Variants in CFAP263 observed in about 807,000 individuals in gnomAD.
The protein encoded by CFAP263 is cilia- and flagella-associated protein 263.
At chr16:58,268,700 G>A in the CFAP263 span, among the ~76,000 whole-genome samples, 1 of 152,126 alleles carries the variant, frequency 6.6e-6, no homozygotes, top group Non-Finnish European at 1.5e-5. Context: ...GTACAGAGTG[G>A]CAAGTAGCAA....
the CFAP263 span, among the ~76,000 whole-genome samples, chr16:58,277,153 C>T: frequency 6.6e-6 from 1 of 151,216 alleles, no homozygotes; most frequent in African/African-American, 2.4e-5. Flanking sequence ...TTTTTTTAGA[C>T]AGTTTCGCTC....
the CFAP263 span, among the ~76,000 whole-genome samples, chr16:58,253,622 C>A: frequency 6.6e-6 from 1 of 152,302 alleles, no homozygotes; most frequent in East Asian, 1.9e-4. Flanking sequence ...TTTTGCTGAA[C>A]ACAGTCCCCC....
At chr16:58,262,383 A>G in the CFAP263 span, 5 of 1,601,944 alleles carry the variant, frequency 3.1e-6, no homozygotes, top group Non-Finnish European at 4.3e-6. Flanking sequence ...TCTGAGCTGT[A>G]GAAGGAAGAG....
At chr16:58,266,003 C>A in the CFAP263 span, among the ~76,000 whole-genome samples, 1 of 152,186 alleles carries the variant, frequency 6.6e-6, no homozygotes, top group African/African-American at 2.4e-5. Context: ...TCTCCCCGGC[C>A]CCACGTCTGA....
At chr16:58,268,670 GA>G in the CFAP263 span, among the ~76,000 whole-genome samples, 1 of 152,110 alleles carries the variant, frequency 6.6e-6, no homozygotes, top group Non-Finnish European at 1.5e-5. Context: ...AATACCTTCT[GA>G]AAAAAACCCC....
the CFAP263 span, chr16:58,259,906 G>A: frequency 6.2e-7 from 1 of 1,604,042 alleles, no homozygotes; most frequent in Non-Finnish European, 8.5e-7. Context: ...AAAGTTCAGA[G>A]GAAAAAAATG....
chr16:58,257,227 C>T, the CFAP263 span, among the ~76,000 whole-genome samples: 5 of 111,270 alleles, frequency 4.5e-5, no homozygotes, highest in Non-Finnish European at 8.1e-5. Context: ...CCGTTTTAGC[C>T]GGGATGGTCT....
chr16:58,252,455 T>A, the CFAP263 span, among the ~76,000 whole-genome samples: 1 of 152,064 alleles, frequency 6.6e-6, no homozygotes, highest in Admixed American at 6.5e-5. Flanking sequence ...TTCAATGTAA[T>A]ACTAGTGTTC....
At chr16:58,254,188 C>T in the CFAP263 span, 6 of 1,612,680 alleles carry the variant, frequency 3.7e-6, no homozygotes, top group Non-Finnish European at 4.2e-6. Context: ...GCAGCCTGTC[C>T]TGCCCAGGCT....
At chr16:58,256,843 T>C in the CFAP263 span, among the ~76,000 whole-genome samples, 5 of 151,552 alleles carry the variant, frequency 3.3e-5, no homozygotes, top group East Asian at 9.7e-4. Context: ...TAGTAATATG[T>C]GTGTGTGTGT....
chr16:58,254,458 T>G, the CFAP263 span, among the ~76,000 whole-genome samples: 94 of 152,344 alleles, frequency 6.2e-4, no homozygotes, highest in East Asian at 0.016. Flanking sequence ...CTCTTTTGGT[T>G]GATCAACTTT....
chr16:58,268,255 T>C, the CFAP263 span, among the ~76,000 whole-genome samples: 2 of 152,194 alleles, frequency 1.3e-5, no homozygotes, highest in African/African-American at 2.4e-5. Context: ...GCAATTTACC[T>C]CTCTCATTAC....
At chr16:58,258,191 G>A in the CFAP263 span, among the ~76,000 whole-genome samples, 1 of 151,248 alleles carries the variant, frequency 6.6e-6, no homozygotes, top group African/African-American at 2.4e-5. Flanking sequence ...TTTGAAGAAT[G>A]CTTTTAACTA....
At chr16:58,255,261 A>G in the CFAP263 span, among the ~76,000 whole-genome samples, 1 of 152,200 alleles carries the variant, frequency 6.6e-6, no homozygotes. Context: ...CAGGAGGAGC[A>G]GAAGCAATTG....
chr16:58,258,031 C>T, the CFAP263 span, among the ~76,000 whole-genome samples: 3 of 149,540 alleles, frequency 2.0e-5, no homozygotes, highest in Non-Finnish European at 3.0e-5. Flanking sequence ...TTGCTCGAAC[C>T]GAGGAGGCGG....
the CFAP263 span, among the ~76,000 whole-genome samples, chr16:58,279,168 A>G: frequency 6.6e-6 from 1 of 152,176 alleles, no homozygotes; most frequent in Non-Finnish European, 1.5e-5. Context: ...GGGAAACCAT[A>G]TGCTGGTGTC....
At chr16:58,278,799 G>GT in the CFAP263 span, among the ~76,000 whole-genome samples, 15,929 of 151,880 alleles carry the variant, frequency 0.1, 943 homozygotes, top group Admixed American at 0.13. Flanking sequence ...AGGATGATTT[G>GT]TTTTTTTTGA....
chr16:58,280,840 T>A, the CFAP263 span: 1 of 1,330,728 alleles, frequency 7.5e-7, no homozygotes, highest in Non-Finnish European at 1.0e-6. Context: ...TACTGTTTGT[T>A]CTAGAAATGT....
At chr16:58,263,544 A>G in the CFAP263 span, among the ~76,000 whole-genome samples, 24,811 of 152,222 alleles carry the variant, frequency 0.16, 2,226 homozygotes, top group African/African-American at 0.23. Flanking sequence ...TCAGGTGGCA[A>G]TGGTGGCTGT....
Sources: allele counts gnomAD v4.1 joint callset (sites outside exome capture counted in the v4.1 genomes callset), GRCh38; gene constraint gnomAD v4.1.1; transcripts MANE v1.5; gene names NCBI Gene and HGNC (gene_info 2026-07-23, HGNC 2026-07-21).